Variants in MAGI3 observed in about 807,000 individuals in gnomAD.
MAGI3 encodes the protein membrane-associated guanylate kinase, WW and PDZ domain-containing protein 3.
Under a neutral mutation model 121.8 loss-of-function variants are expected in MAGI3, and 43 were observed. The observed-to-expected ratio is 0.35, with a 90% CI of 0.28 to 0.46. The LOEUF (loss-of-function observed/expected upper bound fraction) is 0.46. Ranked by LOEUF, MAGI3 falls within the 20% of genes least tolerant of loss-of-function variation. The probability of loss-of-function intolerance (pLI) is 1.00; values close to 1 mark genes in which losing one functional copy is unlikely to be tolerated. For missense variants in MAGI3, 1,547 were observed against 1,797.3 expected, an observed-to-expected ratio of 0.86 and a Z score of 2.52; for synonymous variants, 553 against 639.3, an observed-to-expected ratio of 0.86 and a Z score of 2.04.
chr1:113,505,035 C>T (rs1299579262), intron 1 of MAGI3, among the ~76,000 whole-genome samples: 2 of 152,064 alleles, frequency 1.3e-5, no homozygotes, highest in Admixed American at 1.3e-4. Flanking sequence ...TTTATATGTT[C>T]ATATGGCAGG....
In MAGI3 at chr1:113,395,087, G is replaced by GTTTTTTTTTTTTTT. The variant is rs139532433; in HGVS notation, c.316+3754_316+3767dup. 2.4e-4 allele frequency among the ~76,000 whole-genome samples: 8 copies of GTTTTTTTTTTTTTT among 33,238 alleles called. 1 individual carries two copies. Among genetic ancestry groups the GTTTTTTTTTTTTTT allele is most frequent in the African/African-American group, 3.1e-4 (2 of 6,418 alleles). The allele number at this position is 33,238 out of a possible 152,430, so 21.8% of individuals were successfully genotyped here. On this transcript the variant is annotated intron_variant, in intron 1 of 20. Coordinates refer to ENST00000307546, the MANE Select transcript of MAGI3 (RefSeq NM_001142782.2). ...TCTTATCTCTTGAATCTTTTTGTTA[G>GTTTTTTTTTTTTTT]TTTTTTTTTTTTTTTTTTTTTTTTT...
chr1:113,425,375 C>T (rs1298986176), intron 1 of MAGI3, among the ~76,000 whole-genome samples: 26 of 146,128 alleles, frequency 1.8e-4, no homozygotes, highest in African/African-American at 5.3e-4. Context: ...CTCCGCCTCC[C>T]GGGTTCAAGC....
Position 113,643,749 on chromosome 1 carries a change from C to T in MAGI3, c.1973C>T (p.Pro658Leu). 6.2e-7 allele frequency: 1 copy of T among 1,613,800 alleles called. No homozygotes were observed. The highest frequency in any genetic ancestry group is 8.5e-7 in the Non-Finnish European group (1 of 1,179,876). ...GGTTCATTTTTTTTTTAAGGTCCTC[C>T]TTCACCAACCAAAACTGCCAAAATG... ...VPLLILRGGP[P>L]SPTKTAKMKT... The change falls in exon 11 of 21, where the codon CCT becomes CTT. Residue 658 changes from proline to leucine, a missense_variant. Transcript: ENST00000307546.
chr1:113,479,402 T>C (rs909006322), intron 1 of MAGI3, among the ~76,000 whole-genome samples: 1 of 152,188 alleles, frequency 6.6e-6, no homozygotes, highest in Non-Finnish European at 1.5e-5. Flanking sequence ...CTTCCTCTTC[T>C]TCCTGTACTT....
At chr1:113,489,738 A>G (rs919712711) in intron 1 of MAGI3, among the ~76,000 whole-genome samples, 2 of 152,134 alleles carry the variant, frequency 1.3e-5, no homozygotes, top group African/African-American at 2.4e-5. Flanking sequence ...CAAGAATTTC[A>G]TAATGCAATT....
At position 113,391,091 on chromosome 1, in the gene MAGI3, G is replaced by A. The variant is rs1291393423; in HGVS notation, c.58G>A (p.Val20Met). 1.3e-6 allele frequency: 2 copies of A among 1,588,624 alleles called. No homozygotes were observed. Among genetic ancestry groups the A allele is most frequent in the Admixed American group, 1.8e-5 (1 of 56,958 alleles). The change falls in exon 1 of 21, where the codon GTG (valine) becomes ATG (methionine). Residue 20 changes from valine (V) to methionine (M), a missense_variant. Coordinates refer to ENST00000307546, the MANE Select transcript of MAGI3 (RefSeq NM_001142782.2). The surrounding 1 kb of genome is among the most constrained non-coding windows in gnomAD (Gnocchi z 4.4). The part of the protein sequence containing the change: ...HWLSKVQECA[V>M]SWAGPPGDFG... ...GCTCAGCAAGGTGCAGGAGTGCGCC[G>A]TGTCCTGGGCCGGGCCCCCGGGCGA...
chr1:113,473,447 G>T (rs1162554728), intron 1 of MAGI3, among the ~76,000 whole-genome samples: 1 of 126,520 alleles, frequency 7.9e-6, no homozygotes, highest in Non-Finnish European at 1.5e-5. Context: ...CCCAGTTTGT[G>T]ATGCTCTCTG....
In MAGI3 at chr1:113,471,062, T is replaced by C. The variant is rs1323539590; in HGVS notation, c.317-78453T>C. On this transcript the variant is annotated intron_variant, in intron 1 of 20. Transcript: ENST00000307546. ...TCTTACAGGTCTTACATTTACGTCT[T>C]TAGTCCATTTGAGTTGGTTTTTGTT... 5.3e-5 allele frequency among the ~76,000 whole-genome samples: 8 copies of C among 152,322 alleles called. No homozygotes were observed. In the East Asian group the frequency reaches 1.3e-3, roughly 26 times the overall value.
chr1:113,662,955 G>A (rs1253792004), intron 16 of MAGI3, among the ~76,000 whole-genome samples: 6 of 152,164 alleles, frequency 3.9e-5, no homozygotes, highest in East Asian at 3.9e-4. Context: ...GCCTGGCGCC[G>A]TGGCTCATGC....
chr1:113,642,060 G>A lies in MAGI3; in HGVS notation c.1510G>A (p.Val504Ile), dbSNP rs148115675. 10 of 1,614,024 alleles carry A rather than the reference G, an allele frequency of 6.2e-6. No homozygotes were observed. The highest frequency in any genetic ancestry group is 1.3e-5 in the African/African-American group (1 of 74,890). The change falls in exon 10 of 21, where the codon GTT becomes ATT. Residue 504 changes from valine to isoleucine, a missense_variant. Val to Ile is a conservative substitution (Grantham distance 29, BLOSUM62 3). Coordinates refer to ENST00000307546, the MANE Select transcript of MAGI3 (RefSeq NM_001142782.2). ...ACTTCCTGATGACAGTGAAGATCCT[G>A]TTGTGGACATTGTTGCTGCTACCCC... is the stretch of plus-strand genomic sequence containing the variant. ...YPLPDDSEDP[V>I]VDIVAATPVI...
At chr1:113,595,276 C>T (rs1043107444) in intron 6 of MAGI3, among the ~76,000 whole-genome samples, 1 of 151,984 alleles carries the variant, frequency 6.6e-6, no homozygotes, top group African/African-American at 2.4e-5. Context: ...GCACTCCAGC[C>T]TGGGCAACAG....
intron 1 of MAGI3, among the ~76,000 whole-genome samples, chr1:113,462,827 A>T (rs897818566): frequency 6.6e-6 from 1 of 152,154 alleles, no homozygotes; most frequent in African/African-American, 2.4e-5. Flanking sequence ...TTAGATTTTT[A>T]AAAATATAGT....
intron 1 of MAGI3, among the ~76,000 whole-genome samples, chr1:113,527,054 G>A (rs1299860427): frequency 6.6e-6 from 1 of 152,164 alleles, no homozygotes; most frequent in Non-Finnish European, 1.5e-5. Flanking sequence ...TATATGTACA[G>A]AATTTAGAAC....
intron 9 of MAGI3, among the ~76,000 whole-genome samples, chr1:113,637,686 G>T (rs942877695): frequency 5.3e-5 from 8 of 151,536 alleles, no homozygotes; most frequent in Non-Finnish European, 1.0e-4. Flanking sequence ...TTCAACTTTG[G>T]TGAATCTGAC....
chr1:113,442,937 A>C (rs1241709536), intron 1 of MAGI3, among the ~76,000 whole-genome samples: 1 of 152,130 alleles, frequency 6.6e-6, no homozygotes, highest in Non-Finnish European at 1.5e-5. Flanking sequence ...CCCTCAGTTT[A>C]TATTAGCTGG....
intron 1 of MAGI3, among the ~76,000 whole-genome samples, chr1:113,546,350 T>G (rs1659533022): frequency 6.6e-6 from 1 of 152,182 alleles, no homozygotes. Context: ...TATTTGCTTA[T>G]TTTTGAGACA....
intron 1 of MAGI3, among the ~76,000 whole-genome samples, chr1:113,525,919 T>C (rs1658426783): frequency 6.6e-6 from 1 of 152,036 alleles, no homozygotes; most frequent in South Asian, 2.1e-4. Flanking sequence ...GGAGAATCGC[T>C]TGAACTTGGG....
chr1:113,641,007 A>ATATATATACAC (rs1652440883), intron 9 of MAGI3, among the ~76,000 whole-genome samples: 1 of 42,284 alleles, frequency 2.4e-5, no homozygotes, highest in Non-Finnish European at 4.5e-5. Flanking sequence ...GATATATATA[A>ATATATATACAC]TATATATGAT....
Position 113,683,089 on chromosome 1 carries a change from TAAATGA to T in MAGI3, c.3526_3531del (p.Glu1176_Asn1177del). On this transcript the variant is annotated inframe_deletion, in exon 21 of 21. Transcript: ENST00000307546. ...ATTGTGCCTGAAAAGAAAAGCACTT[TAAATGA>T]AAATCAGCCTGAGATAAAGCATCAG... 1 of 1,613,324 alleles carries T rather than the reference TAAATGA, an allele frequency of 6.2e-7. No individual in the cohort carries two copies. The highest frequency in any genetic ancestry group is 8.5e-7 in the Non-Finnish European group (1 of 1,179,718).
Sources: gnomAD v4.1 joint callset for allele counts (sites outside exome capture counted in the v4.1 genomes callset) on GRCh38, gnomAD v4.1.1 for gene constraint, Gnocchi (gnomAD v3.1) non-coding constraint, MANE v1.5 for transcripts, NCBI Gene and HGNC (gene_info 2026-07-23, HGNC 2026-07-21) for gene names.